The following WDPCP variants were observed in gnomAD, a reference collection of about 807,000 sequenced individuals.
WDPCP encodes WD repeat-containing and planar cell polarity effector protein fritz homolog.
A neutral mutation model predicts 93.1 loss-of-function variants in WDPCP; 71 were observed. That is an observed-to-expected ratio of 0.76 (90% CI 0.63 to 0.93). The LOEUF (loss-of-function observed/expected upper bound fraction) is 0.93. WDPCP is among the 40% of genes least tolerant of loss of function. The pLI is 0.00. For missense variants in WDPCP, 844 were observed against 887.4 expected (o/e 0.95, Z 0.62); for synonymous variants, 315 against 315.0 (o/e 1.00, Z 0.00).
intron 1 of WDPCP, among the ~76,000 whole-genome samples, chr2:63,496,503 G>C (rs1023945561): frequency 1.3e-5 from 2 of 152,170 alleles, no homozygotes; most frequent in Non-Finnish European, 2.9e-5. Flanking sequence ...AATGAGATCT[G>C]TGAAGAGCTT....
At chr2:63,564,267 C>G (rs1010871227) in intron 1 of WDPCP, 16 of 152,228 alleles carry the variant, frequency 1.1e-4, no homozygotes, top group Non-Finnish European at 2.9e-5. Context: ...GCCTGGTTAA[C>G]TTGTAGCATT....
chr2:63,553,969 T>A (rs1705878532), intron 1 of WDPCP, among the ~76,000 whole-genome samples: 1 of 152,162 alleles, frequency 6.6e-6, no homozygotes, highest in African/African-American at 2.4e-5. Context: ...CCAAGGACAC[T>A]CTTTCACATA....
chr2:63,335,917 G>A (rs979025782), intron 12 of WDPCP, among the ~76,000 whole-genome samples: 7 of 152,188 alleles, frequency 4.6e-5, no homozygotes, highest in Admixed American at 2.6e-4. Flanking sequence ...AAATGGCAAC[G>A]AGAGCGACCT....
chr2:63,763,853 T>C (rs1265493548), intron 2 of WDPCP, among the ~76,000 whole-genome samples: 1 of 152,118 alleles, frequency 6.6e-6, no homozygotes, highest in Non-Finnish European at 1.5e-5. Flanking sequence ...CTTCAAACGG[T>C]ACAGGGTGGT....
intron 1 of WDPCP, among the ~76,000 whole-genome samples, chr2:63,504,324 TTGTG>T (rs60202196): frequency 0.055 from 7,564 of 137,976 alleles, 388 homozygotes; most frequent in African/African-American, 0.14. Context: ...ACGTACTAAA[TTGTG>T]TGTGTGTGTG....
chr2:63,309,960 A>T (rs569519672), intron 13 of WDPCP, among the ~76,000 whole-genome samples: 205 of 152,280 alleles, frequency 1.3e-3, no homozygotes, highest in African/African-American at 4.6e-3. Context: ...TTCAATTCCA[A>T]TCTTTCAGGT....
intron 2 of WDPCP, among the ~76,000 whole-genome samples, chr2:63,654,824 T>C (rs1038209341): frequency 1.6e-5 from 2 of 127,280 alleles, no homozygotes; most frequent in Admixed American, 1.7e-4. Flanking sequence ...GTCTTAAATT[T>C]TGTATATTTT....
At chr2:63,189,723 T>C (rs188415065) in intron 14 of WDPCP, among the ~76,000 whole-genome samples, 35 of 152,328 alleles carry the variant, frequency 2.3e-4, no homozygotes, top group African/African-American at 7.5e-4. Flanking sequence ...AAGATACATA[T>C]AGCATATGGA....
intron 12 of WDPCP, among the ~76,000 whole-genome samples, chr2:63,345,179 C>G (rs767296941): frequency 2.2e-4 from 33 of 152,262 alleles, no homozygotes; most frequent in Non-Finnish European, 3.5e-4. Context: ...CTCCAATTTC[C>G]TATTACACAG....
At chr2:63,442,836 G>A (rs183610619) in intron 6 of WDPCP, 6 of 152,210 alleles carry the variant, frequency 3.9e-5, no homozygotes, top group East Asian at 1.9e-4. Flanking sequence ...ATGTATGAGC[G>A]TTTGTTATAA....
intron 13 of WDPCP, among the ~76,000 whole-genome samples, chr2:63,261,894 G>A (rs918081433): frequency 2.0e-5 from 3 of 152,124 alleles, no homozygotes; most frequent in Non-Finnish European, 4.4e-5. Flanking sequence ...ATGGGACAGT[G>A]TCCAAGATTG....
chr2:63,132,427 C>T (rs1670349992), intron 17 of WDPCP, among the ~76,000 whole-genome samples: 1 of 151,144 alleles, frequency 6.6e-6, no homozygotes, highest in Non-Finnish European at 1.5e-5. Context: ...CAAATAAGTT[C>T]CCTACCTTTT....
rs958145015 is a variant in WDPCP at position 63,497,075 on chromosome 2, G to A, written c.76-4135C>T. Among the ~76,000 whole-genome samples, 22 of 125,076 alleles carry A rather than the reference G, an allele frequency of 1.8e-4. 1 individual carries two copies. Among genetic ancestry groups the A allele is most frequent in the African/African-American group, 6.6e-4 (21 of 31,912 alleles). 82.1% of individuals were successfully genotyped at this position (125,076 alleles called of 152,430 possible). A position where few individuals can be genotyped will look rare whatever the true frequency, so the allele number is the denominator to read the frequency against. On this transcript the variant is annotated intron_variant, in intron 1 of 17. Coordinates refer to ENST00000272321, the MANE Select transcript of WDPCP (RefSeq NM_015910.7). Reference sequence around the variant, plus strand: ...TGCAGTGAGTCAAGATCATGCCACTGCACTCCAGCCTAGGTGACAGAGTGA... The same window carrying A: ...TGCAGTGAGTCAAGATCATGCCACTACACTCCAGCCTAGGTGACAGAGTGA...
intron 12 of WDPCP, among the ~76,000 whole-genome samples, chr2:63,361,147 TAGTTAG>T (rs1372369727): frequency 1.3e-5 from 2 of 152,174 alleles, no homozygotes; most frequent in Admixed American, 6.5e-5. Context: ...CTAGCACATG[TAGTTAG>T]AACAGATTAA....
At chr2:63,655,283 G>C (rs557909779) in intron 2 of WDPCP, among the ~76,000 whole-genome samples, 1 of 152,004 alleles carries the variant, frequency 6.6e-6, no homozygotes, top group Non-Finnish European at 1.5e-5. Flanking sequence ...CTCTCTCTTC[G>C]TATTACCCCC....
rs1261481160 is a variant in WDPCP, at chr2:63,382,951, GGT to G, written c.1436-859_1436-858del. ...ATTGGAAGTCCTCATAAATCAGGGT[GGT>G]TCCTTGGCAGTAGATATTAATTCAT... On this transcript the variant is annotated intron_variant, in intron 10 of 17. Coordinates refer to ENST00000272321, the MANE Select transcript of WDPCP (RefSeq NM_015910.7). Among the ~76,000 whole-genome samples the G allele has an allele frequency of 2.0e-5, 3 of 152,158 alleles. No homozygotes were observed. In the East Asian group the frequency reaches 5.8e-4, roughly 29 times the overall value.
intron 1 of WDPCP, among the ~76,000 whole-genome samples, chr2:63,521,379 G>A (rs932980557): frequency 6.6e-6 from 1 of 152,064 alleles, no homozygotes; most frequent in African/African-American, 2.4e-5. Context: ...CAAACAAATG[G>A]AAAACAGAAG....
intron 12 of WDPCP, among the ~76,000 whole-genome samples, chr2:63,353,750 C>T (rs1324453960): frequency 2.0e-5 from 3 of 152,178 alleles, no homozygotes; most frequent in Non-Finnish European, 4.4e-5. Context: ...GGATGAAGCT[C>T]CCAGAGGGAA....
At chr2:63,411,842 C>A (rs1486696924) in intron 9 of WDPCP, among the ~76,000 whole-genome samples, 1 of 152,018 alleles carries the variant, frequency 6.6e-6, no homozygotes, top group African/African-American at 2.4e-5. Context: ...GAATTAGATA[C>A]CCTGAACAGA....
Sources: allele counts gnomAD v4.1 joint callset (sites outside exome capture counted in the v4.1 genomes callset), GRCh38; gene constraint gnomAD v4.1.1; transcripts MANE v1.5; gene names NCBI Gene and HGNC (gene_info 2026-07-23, HGNC 2026-07-21).